Variants in TRAPPC10 observed in about 807,000 individuals in gnomAD.
TRAPPC10 encodes the protein trafficking protein particle complex subunit 10, also known as TRAPP 130 kDa subunit.
A neutral mutation model predicts 125.5 loss-of-function variants in TRAPPC10; 23 were observed. The observed-to-expected ratio is 0.18, with a 90% CI of 0.13 to 0.26. The LOEUF (loss-of-function observed/expected upper bound fraction) is 0.26, where lower values mean the gene tolerates loss of function less well. TRAPPC10 is among the 10% of genes least tolerant of loss of function. The pLI is 1.00. For missense variants in TRAPPC10, 1,123 were observed against 1,308.4 expected, an observed-to-expected ratio of 0.86 and a Z score of 2.19; for synonymous variants, 509 against 518.0, an observed-to-expected ratio of 0.98 and a Z score of 0.24.
In TRAPPC10 at chr21:44,074,306, G is replaced by T. The variant is rs370368380; in HGVS notation, c.1039-18G>T. On this transcript the variant is annotated intron_variant, in intron 7 of 22. Coordinates refer to ENST00000291574, the MANE Select transcript of TRAPPC10 (RefSeq NM_003274.5). ...GTCCCGGAGCACCCCTCACACGTTC[G>T]CATTTGCACCCCCACAGGTCTCTGT... is the stretch of plus-strand genomic sequence containing the variant. 1.9e-5 allele frequency: 30 copies of T among 1,613,228 alleles called. No individual in the cohort carries two copies. The highest frequency in any genetic ancestry group is 2.5e-5 in the Non-Finnish European group (29 of 1,179,944).
At chr21:44,077,183 CT>C (rs1209407160) in intron 10 of TRAPPC10, among the ~76,000 whole-genome samples, 2 of 152,052 alleles carry the variant, frequency 1.3e-5, no homozygotes, top group Non-Finnish European at 2.9e-5. Context: ...TTGTGGGTTT[CT>C]TTTATTATTA....
chr21:44,076,329 A>C (rs571592594), intron 9 of TRAPPC10, among the ~76,000 whole-genome samples: 7 of 152,354 alleles, frequency 4.6e-5, no homozygotes, highest in African/African-American at 1.7e-4. Flanking sequence ...TTTAGTTCTA[A>C]AGATCAGAGA....
At chr21:44,065,272 C>T (rs1264438649) in intron 7 of TRAPPC10, among the ~76,000 whole-genome samples, 1 of 152,044 alleles carries the variant, frequency 6.6e-6, no homozygotes, top group Admixed American at 6.6e-5. Context: ...CTTGTAGCGT[C>T]GGGGTTCACA....
Position 44,074,342 on chromosome 21 carries a change from G to A in TRAPPC10, c.1057G>A (p.Ala353Thr). 6.2e-7 allele frequency: 1 copy of A among 1,614,148 alleles called. No homozygotes were observed. ...KLLEVSVPPG[A>T]LDCWVFLSCL... ...CCCACAGGTCTCTGTCCCACCTGGT[G>A]CTCTGGACTGCTGGGTGTTTCTGAG... is the stretch of plus-strand genomic sequence containing the variant. Residue 353 changes from alanine to threonine, a missense_variant, in exon 8 of 23, where the codon GCT (alanine) becomes ACT (threonine). By Grantham distance (58) the Ala-to-Thr change is moderately conservative. Transcript: ENST00000291574.
chr21:44,047,028 T>C (rs1022078424), intron 3 of TRAPPC10: 3 of 740,656 alleles, frequency 4.1e-6, no homozygotes, highest in Non-Finnish European at 7.4e-6. Context: ...CTTTCCCACC[T>C]TACTGCCAGC....
At chr21:44,085,421 A>G (rs373302460) in intron 15 of TRAPPC10, among the ~76,000 whole-genome samples, 9 of 152,238 alleles carry the variant, frequency 5.9e-5, no homozygotes, top group African/African-American at 2.2e-4. Flanking sequence ...CACTAGATTT[A>G]GTTAGGATCT....
chr21:44,078,017 A>G (rs914664530), intron 11 of TRAPPC10, among the ~76,000 whole-genome samples: 1 of 152,148 alleles, frequency 6.6e-6, no homozygotes, highest in African/African-American at 2.4e-5. Context: ...TTATTTAATT[A>G]AATATATACA....
chr21:44,094,975 AAAT>A (rs1322737327), intron 20 of TRAPPC10, among the ~76,000 whole-genome samples: 3 of 150,816 alleles, frequency 2.0e-5, no homozygotes, highest in Non-Finnish European at 4.4e-5. Context: ...TTAAATGAAT[AAAT>A]AAAACCACAA....
At chr21:44,067,896 C>T (rs1236889357) in intron 7 of TRAPPC10, among the ~76,000 whole-genome samples, 1 of 151,972 alleles carries the variant, frequency 6.6e-6, no homozygotes, top group African/African-American at 2.4e-5. Context: ...TCGAGGTGGG[C>T]GGATCATGAG....
chr21:44,028,684 C>T (rs1185086087), intron 1 of TRAPPC10, among the ~76,000 whole-genome samples: 1 of 151,944 alleles, frequency 6.6e-6, no homozygotes, highest in Non-Finnish European at 1.5e-5. Flanking sequence ...TCCTCTGTCA[C>T]CAAAAAAAGG....
chr21:44,015,544 A>G (rs1419594177), intron 1 of TRAPPC10, among the ~76,000 whole-genome samples: 1 of 152,028 alleles, frequency 6.6e-6, no homozygotes, highest in Non-Finnish European at 1.5e-5. Flanking sequence ...CCAAGTAGCC[A>G]GCACTACAGG....
At chr21:44,023,860 C>T (rs2032806782) in intron 1 of TRAPPC10, among the ~76,000 whole-genome samples, 1 of 152,204 alleles carries the variant, frequency 6.6e-6, no homozygotes, top group South Asian at 2.1e-4. Context: ...CCCACTGCAA[C>T]CTCTGCCTCT....
At chr21:44,075,751 A>G (rs2037231332) in intron 9 of TRAPPC10, among the ~76,000 whole-genome samples, 2 of 152,006 alleles carry the variant, frequency 1.3e-5, no homozygotes, top group South Asian at 4.1e-4. Flanking sequence ...CTCCCAGCAA[A>G]TTTTTTAAAA....
At chr21:44,055,043 C>A (rs2035475899) in intron 4 of TRAPPC10, among the ~76,000 whole-genome samples, 1 of 152,154 alleles carries the variant, frequency 6.6e-6, no homozygotes, top group Non-Finnish European at 1.5e-5. Flanking sequence ...TCCTGTCGAT[C>A]CCAAGGAACC....
rs371025934 is a variant in TRAPPC10 at position 44,052,271 on chromosome 21, T to C, written c.286-9T>C. Reference sequence around the variant, plus strand: ...TAACCTGCTTTCACAGTGACTTGTTTGTTTTTAGGATACCGAAGTGTATAA... The same window carrying C: ...TAACCTGCTTTCACAGTGACTTGTTCGTTTTTAGGATACCGAAGTGTATAA... On this transcript the variant is annotated splice_polypyrimidine_tract_variant and intron_variant, in intron 3 of 22. Coordinates refer to ENST00000291574, the MANE Select transcript of TRAPPC10 (RefSeq NM_003274.5). The C allele has an allele frequency of 5.1e-6, 8 of 1,562,914 alleles. No homozygotes were observed. The highest frequency in any genetic ancestry group is 6.9e-6 in the Non-Finnish European group (8 of 1,159,618).
At chr21:44,080,431 A>T (rs1020178430) in intron 13 of TRAPPC10, among the ~76,000 whole-genome samples, 1 of 152,210 alleles carries the variant, frequency 6.6e-6, no homozygotes, top group African/African-American at 2.4e-5. Flanking sequence ...AAAGTATTTT[A>T]TAAATCATTT....
intron 5 of TRAPPC10, among the ~76,000 whole-genome samples, chr21:44,056,752 C>G (rs765558682): frequency 6.6e-6 from 1 of 152,100 alleles, no homozygotes; most frequent in Non-Finnish European, 1.5e-5. Context: ...CAGCTCCGGC[C>G]TGGTTTGGGG....
intron 5 of TRAPPC10, among the ~76,000 whole-genome samples, chr21:44,057,610 A>G (rs2145874675): frequency 6.6e-6 from 1 of 152,336 alleles, no homozygotes; most frequent in East Asian, 1.9e-4. Context: ...AAAATGGTTA[A>G]GATGGTCAGT....
At chr21:44,037,072 C>T (rs531438154) in intron 2 of TRAPPC10, among the ~76,000 whole-genome samples, 1 of 152,104 alleles carries the variant, frequency 6.6e-6, no homozygotes. Flanking sequence ...AACACAGCAC[C>T]CTTAGATCGG....
Sources: allele counts gnomAD v4.1 joint callset (sites outside exome capture counted in the v4.1 genomes callset), GRCh38; gene constraint gnomAD v4.1.1; transcripts MANE v1.5; gene names NCBI Gene and HGNC (gene_info 2026-07-23, HGNC 2026-07-21).